The following CACNA1C variants were observed in gnomAD, a reference collection of about 807,000 sequenced individuals.
The protein encoded by CACNA1C is calcium voltage-gated channel subunit alpha1 C.
A neutral mutation model predicts 229.0 loss-of-function variants in CACNA1C; 30 were observed. The observed-to-expected ratio is 0.13, with a 90% confidence interval of 0.10 to 0.18. The LOEUF is 0.18. CACNA1C is among the 10% of genes least tolerant of loss of function. The pLI is 1.00. For missense variants in CACNA1C, 1,658 were observed against 2,845.0 expected (o/e 0.58, Z 9.49); for synonymous variants, 1,114 against 1,132.5 (o/e 0.98, Z 0.33).
At chr12:2,040,628 CT>C (rs2049922426) in intron 1 of CACNA1C, among the ~76,000 whole-genome samples, 1 of 152,166 alleles carries the variant, frequency 6.6e-6, no homozygotes, top group Non-Finnish European at 1.5e-5. Context: ...TGGTGACCAA[CT>C]AGTCTCTTTT....
chr12:2,191,738 G>A (rs1195393654), intron 3 of CACNA1C, among the ~76,000 whole-genome samples: 7 of 139,630 alleles, frequency 5.0e-5, no homozygotes, highest in African/African-American at 1.9e-4. Context: ...GTACACACAG[G>A]CACACACATG....
chr12:2,489,916 C>A (rs1019438328), intron 6 of CACNA1C, among the ~76,000 whole-genome samples: 1 of 152,210 alleles, frequency 6.6e-6, no homozygotes, highest in Non-Finnish European at 1.5e-5. Context: ...CCACTTTCCT[C>A]CCCAGGACTT....
chr12:2,325,726 A>T (rs1242327350), intron 3 of CACNA1C, among the ~76,000 whole-genome samples: 3 of 152,236 alleles, frequency 2.0e-5, no homozygotes, highest in Admixed American at 2.0e-4. Context: ...CAAGTCATGT[A>T]ATAGCCACCA....
At position 2,074,778 on chromosome 12, in the gene CACNA1C, T is replaced by C. The variant is rs187022449; in HGVS notation, c.49+21167T>C. On this transcript the variant is annotated intron_variant, in intron 1 of 46. Coordinates refer to ENST00000399655, the MANE Select transcript of CACNA1C (RefSeq NM_000719.7). Reference sequence around the variant, plus strand: ...TGGAAATGAAAATAGCCCATAGCCATCCATACCCTGAAGCTGTCAGCTAAT... The same window carrying C: ...TGGAAATGAAAATAGCCCATAGCCACCCATACCCTGAAGCTGTCAGCTAAT... Among the ~76,000 whole-genome samples, 211 of 152,294 alleles carry C rather than the reference T, an allele frequency of 1.4e-3. 2 individuals carry two copies. The highest frequency in any genetic ancestry group is 4.7e-3 in the African/African-American group (196 of 41,558).
chr12:2,131,845 G>A (rs2154172982), intron 3 of CACNA1C, among the ~76,000 whole-genome samples: 1 of 148,762 alleles, frequency 6.7e-6, no homozygotes, highest in South Asian at 2.1e-4. Flanking sequence ...TGTGAAGAAA[G>A]TCATTGGTAG....
chr12:2,080,598 C>G (rs944608231), intron 1 of CACNA1C, among the ~76,000 whole-genome samples: 4 of 36,784 alleles, frequency 1.1e-4, no homozygotes, highest in African/African-American at 5.4e-4. Context: ...GAGACTCTGT[C>G]TCAAAAAAAA....
chr12:2,514,361 A>G (rs1568153415), intron 9 of CACNA1C, among the ~76,000 whole-genome samples: 1 of 152,244 alleles, frequency 6.6e-6, no homozygotes, highest in Admixed American at 6.5e-5. Flanking sequence ...TAAAGCACAC[A>G]AACAACAAGG....
At position 2,601,408 on chromosome 12, in the gene CACNA1C, A is replaced by C. The variant is rs1443098718; in HGVS notation, c.2854-446A>C. On this transcript the variant is annotated intron_variant, in intron 21 of 46. Transcript: ENST00000399655. This position sits in a 1 kb window ranked among gnomAD's most constrained non-coding sequence, Gnocchi z 5.9. Reference sequence around the variant, plus strand: ...GCCCCGCCCCCCAACCCACCCACTCACGGCAGATGTCTGGTGCTCTCAGCT... The same window carrying C: ...GCCCCGCCCCCCAACCCACCCACTCCCGGCAGATGTCTGGTGCTCTCAGCT... Among the ~76,000 whole-genome samples, 1 of 151,498 alleles carries C rather than the reference A, an allele frequency of 6.6e-6. No homozygotes were observed. The highest frequency in any genetic ancestry group is 2.4e-5 in the African/African-American group (1 of 41,210).
chr12:2,655,037 G>A (rs2095339713), intron 33 of CACNA1C, 110 bp from the exon 34 acceptor site: 8 of 714,814 alleles, frequency 1.1e-5, no homozygotes, highest in Admixed American at 2.1e-5. Flanking sequence ...GCTTGTGGCA[G>A]CCAGTTCCAG....
intron 5 of CACNA1C, among the ~76,000 whole-genome samples, chr12:2,480,891 A>G (rs1384137893): frequency 6.6e-6 from 1 of 152,250 alleles, no homozygotes; most frequent in East Asian, 1.9e-4. Flanking sequence ...AAACAATGGA[A>G]TCTAACGTTG....
At chr12:2,569,810 G>A (rs1480740504) in intron 13 of CACNA1C, among the ~76,000 whole-genome samples, 3 of 152,036 alleles carry the variant, frequency 2.0e-5, no homozygotes, top group Non-Finnish European at 2.9e-5. Context: ...TAGGTACCTC[G>A]GAGTGGAATT....
intron 3 of CACNA1C, among the ~76,000 whole-genome samples, chr12:2,213,139 C>T (rs1437118290): frequency 6.6e-6 from 1 of 152,090 alleles, no homozygotes; most frequent in Admixed American, 6.5e-5. Flanking sequence ...CAGTCAGGAG[C>T]CAGCGCCTGC....
chr12:2,445,072 A>G (rs970009754), intron 3 of CACNA1C, among the ~76,000 whole-genome samples: 1 of 152,138 alleles, frequency 6.6e-6, no homozygotes, highest in East Asian at 1.9e-4. Flanking sequence ...CAGCCAAATC[A>G]AATGTTTGCA....
intron 9 of CACNA1C, among the ~76,000 whole-genome samples, chr12:2,549,460 G>A (rs1403973870): frequency 1.3e-5 from 2 of 152,220 alleles, no homozygotes; most frequent in African/African-American, 4.8e-5. Flanking sequence ...AGCTCATCAA[G>A]GTAGCAAGCA....
intron 8 of CACNA1C, among the ~76,000 whole-genome samples, chr12:2,505,314 C>A (rs550163530): frequency 2.1e-4 from 32 of 152,152 alleles, no homozygotes; most frequent in African/African-American, 6.0e-4. Flanking sequence ...AAATCTAATT[C>A]TCATTTTACT....
chr12:2,241,086 G>T (rs1199136683), intron 3 of CACNA1C, among the ~76,000 whole-genome samples: 3 of 152,100 alleles, frequency 2.0e-5, no homozygotes. Context: ...GAGGGGGGTG[G>T]GAAGAGGGCA....
At chr12:2,006,414 AAAAT>A (rs1265840592) in intron 1 of CACNA1C, among the ~76,000 whole-genome samples, 1 of 152,216 alleles carries the variant, frequency 6.6e-6, no homozygotes, top group African/African-American at 2.4e-5. Context: ...TCTCAAAAAT[AAAAT>A]AAATAAAAAG....
chr12:2,679,380 G>A lies in CACNA1C; in HGVS notation c.5092-64G>A. ...GCACTTCCCTGACCTGGCTGTGGAGGCTGCTCTCTGGGAGGAGTGGGTGCT... is the reference window on the plus strand; with the variant it reads ...GCACTTCCCTGACCTGGCTGTGGAGACTGCTCTCTGGGAGGAGTGGGTGCT... On this transcript the variant is annotated intron_variant, in intron 41 of 46. Transcript: ENST00000399655. The surrounding 1 kb of genome is among the most constrained non-coding windows in gnomAD (Gnocchi z 5.5). The A allele has an allele frequency of 8.1e-7, 1 of 1,232,210 alleles. No homozygotes were observed. Among genetic ancestry groups the A allele is most frequent in the Non-Finnish European group, 1.1e-6 (1 of 899,162 alleles). 76.3% of individuals were successfully genotyped at this position (1,232,210 alleles called of 1,614,324 possible). A position where few individuals can be genotyped will look rare whatever the true frequency, so the allele number is the denominator to read the frequency against.
At chr12:2,052,963 G>A, upstream of CACNA1C, 3 of 979,726 alleles carry the variant, frequency 3.1e-6, no homozygotes, top group Non-Finnish European at 3.6e-6. Flanking sequence ...GGGGGAGTGA[G>A]CGCGGCGCTC....
Sources: gnomAD v4.1 joint callset for allele counts (sites outside exome capture counted in the v4.1 genomes callset) on GRCh38, gnomAD v4.1.1 for gene constraint, Gnocchi (gnomAD v3.1) non-coding constraint, MANE v1.5 for transcripts, NCBI Gene and HGNC (gene_info 2026-07-23, HGNC 2026-07-21) for gene names.